The following GPR158 variants were observed in gnomAD, a reference collection of about 807,000 sequenced individuals.
The protein encoded by GPR158 is G protein-coupled receptor 158.
A neutral mutation model predicts 78.2 loss-of-function variants in GPR158; 30 were observed. The ratio of observed to expected loss-of-function variants is 0.38; its 90% CI spans 0.29 to 0.52. The LOEUF (loss-of-function observed/expected upper bound fraction) is 0.52, where lower values mean the gene tolerates loss of function less well. Ranked by LOEUF, GPR158 falls within the 20% of genes least tolerant of loss-of-function variation. The pLI, the probability that GPR158 is intolerant of heterozygous loss-of-function variation, is 0.83. For synonymous variants in GPR158, 581 were observed against 591.1 expected (o/e 0.98, Z 0.25); for missense variants, 1,463 against 1,523.5 (o/e 0.96, Z 0.66).
At chr10:25,594,843 A>G (rs1246969683) in intron 9 of GPR158, among the ~76,000 whole-genome samples, 1 of 152,150 alleles carries the variant, frequency 6.6e-6, no homozygotes, top group Non-Finnish European at 1.5e-5. Context: ...GATACTGACA[A>G]AGACTTGTCC....
chr10:25,392,809 T>C (rs995244215), intron 2 of GPR158, among the ~76,000 whole-genome samples: 1 of 151,880 alleles, frequency 6.6e-6, no homozygotes, highest in Non-Finnish European at 1.5e-5. Context: ...TTATTGAAAA[T>C]TTACAATTCT....
At chr10:25,185,565 T>C (rs1195321544) in intron 1 of GPR158, among the ~76,000 whole-genome samples, 1 of 152,244 alleles carries the variant, frequency 6.6e-6, no homozygotes, top group African/African-American at 2.4e-5. Context: ...GGCTCACGCC[T>C]GTAATCCCAG....
At chr10:25,589,473 A>G (rs1171308501) in intron 8 of GPR158, among the ~76,000 whole-genome samples, 1 of 152,248 alleles carries the variant, frequency 6.6e-6, no homozygotes, top group Non-Finnish European at 1.5e-5. Flanking sequence ...CAATACGTGC[A>G]TACATTGTAA....
chr10:25,396,767 C>T (rs1323819565), intron 3 of GPR158, among the ~76,000 whole-genome samples: 1 of 152,106 alleles, frequency 6.6e-6, no homozygotes, highest in Non-Finnish European at 1.5e-5. Context: ...TAAAATATTA[C>T]ATGTAGAAAT....
At chr10:25,382,667 T>C (rs1834171309) in intron 2 of GPR158, among the ~76,000 whole-genome samples, 1 of 152,114 alleles carries the variant, frequency 6.6e-6, no homozygotes, top group Non-Finnish European at 1.5e-5. Context: ...AGGAGGCCTT[T>C]TAGATTTCCT....
chr10:25,364,108 C>G (rs575831508), intron 2 of GPR158, among the ~76,000 whole-genome samples: 17 of 151,958 alleles, frequency 1.1e-4, no homozygotes, highest in African/African-American at 3.6e-4. Context: ...AAGTATTATT[C>G]TTCACATTTT....
intron 4 of GPR158, among the ~76,000 whole-genome samples, chr10:25,441,352 T>G (rs1160764917): frequency 4.6e-5 from 7 of 152,220 alleles, no homozygotes; most frequent in African/African-American, 1.7e-4. Context: ...TTCCTTTTCC[T>G]GGCTCTTGTC....
At chr10:25,207,120 G>A (rs1244814299) in intron 1 of GPR158, among the ~76,000 whole-genome samples, 3 of 152,028 alleles carry the variant, frequency 2.0e-5, no homozygotes, top group Admixed American at 1.3e-4. Flanking sequence ...CTCTTTGTCT[G>A]GGGGGAGACA....
chr10:25,560,229 T>C (rs1404824208), intron 6 of GPR158, among the ~76,000 whole-genome samples: 1 of 152,190 alleles, frequency 6.6e-6, no homozygotes, highest in Non-Finnish European at 1.5e-5. Flanking sequence ...GTAAATGCAA[T>C]GGTAAGTAGG....
chr10:25,315,649 A>G (rs1854836339), intron 2 of GPR158, among the ~76,000 whole-genome samples: 1 of 151,980 alleles, frequency 6.6e-6, no homozygotes, highest in Admixed American at 6.6e-5. Context: ...GTTTTATAAT[A>G]TGTTTTATTT....
At chr10:25,253,083 G>A (rs1414174543) in intron 2 of GPR158, among the ~76,000 whole-genome samples, 110 of 152,108 alleles carry the variant, frequency 7.2e-4, no homozygotes, top group Non-Finnish European at 1.2e-3. Flanking sequence ...TTTTCCAGGT[G>A]CGTCCGTCAC....
chr10:25,257,961 C>T (rs143575661), intron 2 of GPR158, among the ~76,000 whole-genome samples: 44 of 152,224 alleles, frequency 2.9e-4, no homozygotes, highest in Admixed American at 1.8e-3. Flanking sequence ...CCTGACTCTT[C>T]GAGATGGGAA....
intron 5 of GPR158, among the ~76,000 whole-genome samples, chr10:25,548,397 G>A (rs1482503075): frequency 2.0e-5 from 3 of 152,126 alleles, no homozygotes; most frequent in Non-Finnish European, 4.4e-5. Flanking sequence ...AGTGAGAATG[G>A]TAACTTTTAG....
intron 2 of GPR158, among the ~76,000 whole-genome samples, chr10:25,348,092 C>T (rs1169782995): frequency 6.6e-6 from 1 of 151,872 alleles, no homozygotes; most frequent in East Asian, 2.0e-4. Flanking sequence ...CTGTGTCTAC[C>T]TGAAACCTGC....
In GPR158 at chr10:25,600,390, A is replaced by T. The variant is rs531357592; in HGVS notation, c.*1116A>T. The T allele has an allele frequency of 6.6e-6, 1 of 152,518 alleles. No individual in the cohort carries two copies. Among genetic ancestry groups the T allele is most frequent in the Non-Finnish European group, 1.5e-5 (1 of 68,026 alleles). 9.4% of individuals were successfully genotyped at this position (152,518 alleles called of 1,614,324 possible). On this transcript the variant is annotated 3_prime_UTR_variant, in exon 11 of 11. Transcript: ENST00000376351. Reference sequence around the variant, plus strand: ...GGAAAGGGAAGACTCTAGGGATGACATAAGAATTATAGCAGTACTATAAAC... The same window carrying T: ...GGAAAGGGAAGACTCTAGGGATGACTTAAGAATTATAGCAGTACTATAAAC...
At chr10:25,365,969 A>T (rs1408238814) in intron 2 of GPR158, among the ~76,000 whole-genome samples, 2 of 151,688 alleles carry the variant, frequency 1.3e-5, no homozygotes, top group Non-Finnish European at 3.0e-5. Context: ...TTACATAAAT[A>T]GTATTATATA....
At chr10:25,487,172 A>C (rs968759074) in intron 5 of GPR158, among the ~76,000 whole-genome samples, 2 of 152,054 alleles carry the variant, frequency 1.3e-5, no homozygotes, top group African/African-American at 4.8e-5. Context: ...CAACATGCTC[A>C]TCAGGTGATC....
intron 2 of GPR158, among the ~76,000 whole-genome samples, chr10:25,389,004 A>G (rs1314337119): frequency 6.6e-6 from 1 of 152,208 alleles, no homozygotes; most frequent in Non-Finnish European, 1.5e-5. Context: ...TTGGGCACCA[A>G]TGAGCATGGG....
intron 4 of GPR158, among the ~76,000 whole-genome samples, chr10:25,442,373 A>G (rs772806002): frequency 6.6e-5 from 10 of 152,192 alleles, no homozygotes; most frequent in Non-Finnish European, 1.3e-4. Context: ...AGATATAACT[A>G]CATAAGACAG....
Sources: gnomAD v4.1 joint callset for allele counts (sites outside exome capture counted in the v4.1 genomes callset) on GRCh38, gnomAD v4.1.1 for gene constraint, MANE v1.5 for transcripts, NCBI Gene and HGNC (gene_info 2026-07-23, HGNC 2026-07-21) for gene names.